The following SLCO3A1 variants were observed in gnomAD, a reference collection of about 807,000 sequenced individuals.
SLCO3A1 encodes solute carrier organic anion transporter family member 3A1.
In SLCO3A1, 27 loss-of-function variants were observed where a neutral mutation model predicts 63.1. The ratio of observed to expected loss-of-function variants is 0.43; its 90% CI spans 0.32 to 0.59. The LOEUF (loss-of-function observed/expected upper bound fraction) is 0.59, where lower values mean the gene tolerates loss of function less well. Ranked by LOEUF, SLCO3A1 falls within the 20% of genes least tolerant of loss-of-function variation. SLCO3A1 has a pLI of 0.09. For synonymous variants in SLCO3A1, 473 were observed against 409.9 expected (o/e 1.15, Z -1.86); for missense variants, 773 against 945.8 (o/e 0.82, Z 2.40).
At chr15:92,030,956 A>G (rs1417526064) in intron 2 of SLCO3A1, among the ~76,000 whole-genome samples, 1 of 135,524 alleles carries the variant, frequency 7.4e-6, no homozygotes, top group Admixed American at 8.3e-5. Context: ...AGTGTGCTGT[A>G]GAATTACATA....
chr15:91,876,298 G>C (rs1021455314), intron 1 of SLCO3A1, among the ~76,000 whole-genome samples: 1 of 152,144 alleles, frequency 6.6e-6, no homozygotes, highest in Admixed American at 6.5e-5. Flanking sequence ...TACACATAGC[G>C]GATGCTCAAT....
chr15:91,946,991 C>T (rs1056135720), intron 2 of SLCO3A1, among the ~76,000 whole-genome samples: 5 of 152,214 alleles, frequency 3.3e-5, no homozygotes, highest in East Asian at 1.9e-4. Context: ...ATGGTGCTCA[C>T]GGAGGACTCT....
rs368890505 is a variant in SLCO3A1, at chr15:92,142,006, C to A, written c.1513-4978C>A. Reference sequence around the variant, plus strand: ...TGACTCATTGGATGGAAAAGGAAACCCATCCAAGTCCTTGCACAGATCACT... The same window carrying A: ...TGACTCATTGGATGGAAAAGGAAACACATCCAAGTCCTTGCACAGATCACT... On this transcript the variant is annotated intron_variant, in intron 7 of 9. Coordinates refer to ENST00000318445, the MANE Select transcript of SLCO3A1 (RefSeq NM_013272.4). 2.6e-5 allele frequency among the ~76,000 whole-genome samples: 4 copies of A among 152,316 alleles called. No individual in the cohort carries two copies. In the East Asian group the frequency reaches 7.7e-4, roughly 29 times the overall value.
chr15:91,966,849 G>A (rs920104956), intron 2 of SLCO3A1, among the ~76,000 whole-genome samples: 1 of 152,192 alleles, frequency 6.6e-6, no homozygotes, highest in Non-Finnish European at 1.5e-5. Context: ...ATAAGGTGGC[G>A]CTTTGTAGAA....
chr15:91,917,498 G>C (rs1203885242), intron 2 of SLCO3A1, among the ~76,000 whole-genome samples: 12 of 152,182 alleles, frequency 7.9e-5, no homozygotes, highest in Non-Finnish European at 1.3e-4. Flanking sequence ...TTCTGGCCCA[G>C]CTTTGGAGTA....
At chr15:92,048,673 C>T (rs956800040) in intron 2 of SLCO3A1, among the ~76,000 whole-genome samples, 1 of 152,100 alleles carries the variant, frequency 6.6e-6, no homozygotes, top group Non-Finnish European at 1.5e-5. Flanking sequence ...CCGAGGTGTG[C>T]GGATCACCAG....
Position 91,854,389 on chromosome 15 carries a change from C to CA in SLCO3A1, c.180+301_180+302insA, listed in dbSNP as rs201495459. On this transcript the variant is annotated intron_variant, in intron 1 of 9. Transcript: ENST00000318445. This position sits in a 1 kb window ranked among gnomAD's most constrained non-coding sequence, Gnocchi z 6.4. ...GTGGGCGTGAAACTATTCCTCTCCCCCCATAAGAGCGGAGCGAGACGGTGA... is the reference window on the plus strand; with the variant it reads ...GTGGGCGTGAAACTATTCCTCTCCCCACCATAAGAGCGGAGCGAGACGGTGA... The CA allele has an allele frequency of 1.7e-5, 18 of 1,055,476 alleles. No individual in the cohort carries two copies. In the Middle Eastern group the frequency reaches 7.7e-4, roughly 45 times the overall value. 65.4% of individuals were successfully genotyped at this position (1,055,476 alleles called of 1,614,324 possible).
At position 92,165,195 on chromosome 15, in the gene SLCO3A1, A is replaced by C. The variant is rs1418115987; in HGVS notation, c.*2060A>C. 1.0e-6 allele frequency: 1 copy of C among 985,462 alleles called. No individual in the cohort carries two copies. Among genetic ancestry groups the C allele is most frequent in the East Asian group, 1.1e-4 (1 of 8,816 alleles). 61.0% of individuals were successfully genotyped at this position (985,462 alleles called of 1,614,324 possible). Reference sequence around the variant, plus strand: ...TGGTATGGGGCCACCGTGATCAGCTACCTGGGGCAGGATGCTTCTGAGACA... The same window carrying C: ...TGGTATGGGGCCACCGTGATCAGCTCCCTGGGGCAGGATGCTTCTGAGACA... On this transcript the variant is annotated 3_prime_UTR_variant, in exon 10 of 10. Coordinates refer to ENST00000318445, the MANE Select transcript of SLCO3A1 (RefSeq NM_013272.4).
intron 2 of SLCO3A1, among the ~76,000 whole-genome samples, chr15:91,998,244 AG>A (rs2046214569): frequency 6.6e-6 from 1 of 152,200 alleles, no homozygotes; most frequent in African/African-American, 2.4e-5. Flanking sequence ...ACCTGAGGTC[AG>A]GGGTTCGAGA....
At chr15:92,020,114 G>A (rs528620314) in intron 2 of SLCO3A1, among the ~76,000 whole-genome samples, 3 of 152,206 alleles carry the variant, frequency 2.0e-5, no homozygotes, top group Admixed American at 1.3e-4. Flanking sequence ...ATATATCTGG[G>A]ATATGAGCCT....
At chr15:91,902,850 G>A (rs1898194556) in intron 1 of SLCO3A1, among the ~76,000 whole-genome samples, 1 of 152,140 alleles carries the variant, frequency 6.6e-6, no homozygotes, top group Non-Finnish European at 1.5e-5. Context: ...CAAGCTGCAA[G>A]ACCTTCGGCA....
At chr15:91,943,730 C>T (rs1899702705) in intron 2 of SLCO3A1, among the ~76,000 whole-genome samples, 1 of 152,184 alleles carries the variant, frequency 6.6e-6, no homozygotes, top group Non-Finnish European at 1.5e-5. Context: ...TAGGAGGCTC[C>T]AGGAAGAAGC....
rs147050453 is a variant in SLCO3A1, at chr15:91,941,302, G to T, written c.646+24844G>T. On this transcript the variant is annotated intron_variant, in intron 2 of 9. Transcript: ENST00000318445. The surrounding 1 kb of genome is among the most constrained non-coding windows in gnomAD (Gnocchi z 4.4). ...GGGCAGGGCGGGGCTCGGCTGGGGG[G>T]TGGGAGAGAGACACTGAATCAGTGC... The T allele has an allele frequency of 1.6e-3, 439 of 268,918 alleles. 1 individual carries two copies. Among genetic ancestry groups the T allele is most frequent in the African/African-American group, 7.2e-3 (321 of 44,316 alleles). 16.7% of individuals were successfully genotyped at this position (268,918 alleles called of 1,614,324 possible). A position where few individuals can be genotyped will look rare whatever the true frequency, so the allele number is the denominator to read the frequency against.
At chr15:91,881,891 G>A (rs572362290) in intron 1 of SLCO3A1, among the ~76,000 whole-genome samples, 1 of 152,322 alleles carries the variant, frequency 6.6e-6, no homozygotes, top group African/African-American at 2.4e-5. Flanking sequence ...TCATGCTTGA[G>A]TGAGGTAACC....
At chr15:91,922,105 G>C (rs1330030634) in intron 2 of SLCO3A1, among the ~76,000 whole-genome samples, 1 of 152,168 alleles carries the variant, frequency 6.6e-6, no homozygotes, top group African/African-American at 2.4e-5. Context: ...TATCAAATGT[G>C]GATGATGCAG....
intron 2 of SLCO3A1, among the ~76,000 whole-genome samples, chr15:91,943,027 A>G (rs1206305046): frequency 1.3e-5 from 2 of 152,224 alleles, no homozygotes; most frequent in Admixed American, 1.3e-4. Flanking sequence ...TAATTAATTC[A>G]GGTCTCCACA....
Position 92,083,694 on chromosome 15 carries a change from G to A in SLCO3A1, c.647-11187G>A, listed in dbSNP as rs74615012. Among the ~76,000 whole-genome samples the A allele has an allele frequency of 4.5e-3, 692 of 152,274 alleles. 3 individuals carry two copies. The highest frequency in any genetic ancestry group is 0.016 in the African/African-American group (661 of 41,550). On this transcript the variant is annotated intron_variant, in intron 2 of 9. Coordinates refer to ENST00000318445, the MANE Select transcript of SLCO3A1 (RefSeq NM_013272.4). Reference sequence around the variant, plus strand: ...ATAAGCCTTGTGCATAGAAACAGACGAGAAGGGAAGATCTAAATGCATGTC... The same window carrying A: ...ATAAGCCTTGTGCATAGAAACAGACAAGAAGGGAAGATCTAAATGCATGTC...
chr15:92,030,851 G>A (rs2046638217), intron 2 of SLCO3A1, among the ~76,000 whole-genome samples: 1 of 152,134 alleles, frequency 6.6e-6, no homozygotes, highest in African/African-American at 2.4e-5. Context: ...TGGGTACCAT[G>A]GAAACGAGAG....
At chr15:92,085,522 T>C (rs759783279) in intron 2 of SLCO3A1, among the ~76,000 whole-genome samples, 1 of 152,198 alleles carries the variant, frequency 6.6e-6, no homozygotes, top group Non-Finnish European at 1.5e-5. Flanking sequence ...TTGGGAGTAA[T>C]CCTGAGGTAA....
Sources: allele counts gnomAD v4.1 joint callset (sites outside exome capture counted in the v4.1 genomes callset), GRCh38; gene constraint gnomAD v4.1.1; non-coding constraint Gnocchi (gnomAD v3.1); transcripts MANE v1.5; gene names NCBI Gene and HGNC (gene_info 2026-07-23, HGNC 2026-07-21).